The following FAM83B variants were observed in gnomAD, a reference collection of about 807,000 sequenced individuals.
FAM83B encodes the protein scaffolding CK1 anchoring protein B.
FAM83B carries 26 observed loss-of-function variants against 38.8 expected under a neutral mutation model. That is an observed-to-expected ratio of 0.67 (90% CI 0.49 to 0.93). FAM83B has a LOEUF of 0.93. Ranked by LOEUF, FAM83B falls within the 40% of genes least tolerant of loss-of-function variation. The pLI is 0.00. For synonymous variants in FAM83B, 419 were observed against 423.1 expected, an observed-to-expected ratio of 0.99 and a Z score of 0.12; for missense variants, 1,237 against 1,197.3, an observed-to-expected ratio of 1.03 and a Z score of -0.49.
chr6:54,924,442 A>G (rs557128745), intron 2 of FAM83B, among the ~76,000 whole-genome samples: 19 of 151,038 alleles, frequency 1.3e-4, no homozygotes, highest in African/African-American at 4.4e-4. Context: ...TATATCTAGT[A>G]TCTGCCCCGA....
chr6:54,870,210 G>A lies in FAM83B; in HGVS notation c.-37G>A, dbSNP rs1252583889. 6.6e-7 allele frequency: 1 copy of A among 1,514,428 alleles called. No individual in the cohort carries two copies. The highest frequency in any genetic ancestry group is 9.1e-7 in the Non-Finnish European group (1 of 1,095,802). 93.8% of individuals were successfully genotyped at this position (1,514,428 alleles called of 1,614,324 possible). ...AGATACTTCTCACCACTGCATGAATGGACATTTGAAAGTGCCATAGCCAAA... is the reference window on the plus strand; with the variant it reads ...AGATACTTCTCACCACTGCATGAATAGACATTTGAAAGTGCCATAGCCAAA... On this transcript the variant is annotated 5_prime_UTR_variant, in exon 2 of 5. It removes an upstream start codon present in the reference 5' UTR. Coordinates refer to ENST00000306858, the MANE Select transcript of FAM83B (RefSeq NM_001010872.3).
rs186028986 is a variant in FAM83B, at chr6:54,921,623, A to G, written c.445-4748A>G. Reference sequence around the variant, plus strand: ...AGAATTAATGAAGAAGCAAGTACATAATTTAAGAAATATATAATGTCATGG... The same window carrying G: ...AGAATTAATGAAGAAGCAAGTACATGATTTAAGAAATATATAATGTCATGG... On this transcript the variant is annotated intron_variant, in intron 2 of 4. Transcript: ENST00000306858. Among the ~76,000 whole-genome samples the G allele has an allele frequency of 2.9e-3, 442 of 152,178 alleles. 2 individuals carry two copies. Among genetic ancestry groups the G allele is most frequent in the Non-Finnish European group, 5.2e-3 (354 of 67,916 alleles).
intron 2 of FAM83B, among the ~76,000 whole-genome samples, chr6:54,873,129 C>A (rs1468963377): frequency 6.6e-6 from 1 of 151,854 alleles, no homozygotes; most frequent in East Asian, 1.9e-4. Flanking sequence ...TCCCAAAGTG[C>A]TGGGATTATA....
In FAM83B at chr6:54,870,282, T is replaced by A. The variant is rs1771813794; in HGVS notation, c.36T>A (p.Asp12Glu). The change falls in exon 2 of 5, where the codon GAT becomes GAA. Residue 12 changes from aspartate (D) to glutamate (E), a missense_variant. By Grantham distance (45) the Asp-to-Glu change is conservative. Transcript: ENST00000306858. The stretch of plus-strand genomic sequence containing the variant: ...CATCAATGCTTTCCTCATTGAATGA[T>A]GAGTGTAAATCTGACAACTACATTG... ...ETSSMLSSLN[D>E]ECKSDNYIEP... 2 of 1,613,744 alleles carry A rather than the reference T, an allele frequency of 1.2e-6. No homozygotes were observed. Among genetic ancestry groups the A allele is most frequent in the South Asian group, 2.2e-5 (2 of 91,076 alleles).
intron 1 of FAM83B, among the ~76,000 whole-genome samples, chr6:54,852,319 T>A (rs1415988713): frequency 6.6e-6 from 1 of 152,250 alleles, no homozygotes; most frequent in African/African-American, 2.4e-5. Context: ...CTGTGTCACA[T>A]TTTGATAATT....
At chr6:54,909,753 T>C (rs558657253) in intron 2 of FAM83B, among the ~76,000 whole-genome samples, 9 of 152,242 alleles carry the variant, frequency 5.9e-5, no homozygotes, top group African/African-American at 2.2e-4. Context: ...AAAGTATACC[T>C]AAACTGTAGA....
chr6:54,939,906 C>A lies in FAM83B; in HGVS notation c.935C>A (p.Ser312Ter). The A allele has an allele frequency of 6.2e-7, 1 of 1,613,980 alleles. No individual in the cohort carries two copies. Among genetic ancestry groups the A allele is most frequent in the Non-Finnish European group, 8.5e-7 (1 of 1,179,974 alleles). Residue 312 changes from serine to a stop codon, truncating the protein, a stop_gained, in exon 5 of 5, where the codon TCA becomes TAA. Coordinates refer to ENST00000306858, the MANE Select transcript of FAM83B (RefSeq NM_001010872.3). LOFTEE classifies it low-confidence loss of function (END_TRUNC). ...GGCACTTACCAGCATTCGGTGTCTT[C>A]ATTAGCATCTGTTTCCAGCCAGAGA... ...ENGTYQHSVS[S>*]LASVSSQRNL...
intron 1 of FAM83B, among the ~76,000 whole-genome samples, chr6:54,850,045 G>A (rs1404308486): frequency 1.3e-5 from 2 of 152,088 alleles, no homozygotes; most frequent in African/African-American, 4.8e-5. Context: ...TCCTCTCCAG[G>A]GGTAGGAAAG....
At position 54,942,542 on chromosome 6, in the gene FAM83B, AC is replaced by A. The variant is rs1773728770; in HGVS notation, c.*537del. 6.6e-6 allele frequency among the ~76,000 whole-genome samples: 1 copy of A among 151,814 alleles called. No homozygotes were observed. ...GTACAGCTGTTTGGGCAACAGCAGT[AC>A]CTTTTACATTTTTTATTTTTTATTT... On this transcript the variant is annotated 3_prime_UTR_variant, in exon 5 of 5. Coordinates refer to ENST00000306858, the MANE Select transcript of FAM83B (RefSeq NM_001010872.3).
At chr6:54,886,312 T>G (rs956490001) in intron 2 of FAM83B, among the ~76,000 whole-genome samples, 1 of 150,896 alleles carries the variant, frequency 6.6e-6, no homozygotes. Context: ...GATTTTTTTT[T>G]GTTTTTTTGT....
intron 1 of FAM83B, among the ~76,000 whole-genome samples, chr6:54,862,409 G>A (rs1205050275): frequency 6.6e-6 from 1 of 152,152 alleles, no homozygotes; most frequent in Non-Finnish European, 1.5e-5. Context: ...AGTGAGGGAA[G>A]TAACCCTTGC....
chr6:54,850,847 C>T (rs984780689), intron 1 of FAM83B, among the ~76,000 whole-genome samples: 5 of 151,740 alleles, frequency 3.3e-5, no homozygotes, highest in African/African-American at 4.8e-5. Context: ...GGTGAAACGC[C>T]GTCTCTACTA....
chr6:54,899,086 C>T (rs1345318884), intron 2 of FAM83B, among the ~76,000 whole-genome samples: 10 of 152,084 alleles, frequency 6.6e-5, no homozygotes, highest in Non-Finnish European at 1.5e-4. Context: ...CGTACTTTCC[C>T]CATTTAACAT....
In FAM83B at chr6:54,944,835, T is replaced by A. The variant is rs1773768155; in HGVS notation, c.*2828T>A. On this transcript the variant is annotated 3_prime_UTR_variant, in exon 5 of 5. Coordinates refer to ENST00000306858, the MANE Select transcript of FAM83B (RefSeq NM_001010872.3). ...AACTTTATCATGATATTCAGGTAGA[T>A]CCTGGGTTCTAGAATATTTAAAACA... The A allele has an allele frequency of 6.6e-6, 1 of 152,254 alleles. No individual in the cohort carries two copies. Among genetic ancestry groups the A allele is most frequent in the Admixed American group, 6.5e-5 (1 of 15,300 alleles). 9.4% of individuals were successfully genotyped at this position (152,254 alleles called of 1,614,324 possible).
Position 54,941,448 on chromosome 6 carries a change from C to A in FAM83B, c.2477C>A (p.Ser826Ter). 4 of 1,613,040 alleles carry A rather than the reference C, an allele frequency of 2.5e-6. No individual in the cohort carries two copies. Among genetic ancestry groups the A allele is most frequent in the South Asian group, 1.1e-5 (1 of 90,778 alleles). Residue 826 changes from serine to a stop codon, truncating the protein, a stop_gained, in exon 5 of 5, where the codon TCA becomes TAA. Transcript: ENST00000306858. LOFTEE classifies it low-confidence loss of function (END_TRUNC). ...KPKKSDTKVD[S>*]SPRRKHSSSS... ...AAGAAATCAGACACAAAAGTTGATT[C>A]ATCTCCTAGAAGAAAGCATTCTTCC...
chr6:54,896,323 C>A (rs769939489), intron 2 of FAM83B, among the ~76,000 whole-genome samples: 1 of 152,134 alleles, frequency 6.6e-6, no homozygotes, highest in Non-Finnish European at 1.5e-5. Flanking sequence ...GCATCCATCT[C>A]GAATGATGCA....
At chr6:54,938,429 C>CA (rs1773568938) in intron 4 of FAM83B, among the ~76,000 whole-genome samples, 1 of 152,134 alleles carries the variant, frequency 6.6e-6, no homozygotes, top group African/African-American at 2.4e-5. Context: ...TTTAGTTCTT[C>CA]AAGGAATCTT....
chr6:54,932,850 A>G (rs969989285), intron 4 of FAM83B, among the ~76,000 whole-genome samples: 2 of 152,152 alleles, frequency 1.3e-5, no homozygotes, highest in Admixed American at 6.6e-5. Context: ...GCTCCCTTGT[A>G]TGTGACAAAT....
At chr6:54,885,275 C>G (rs943490724) in intron 2 of FAM83B, among the ~76,000 whole-genome samples, 1 of 151,982 alleles carries the variant, frequency 6.6e-6, no homozygotes, top group African/African-American at 2.4e-5. Context: ...AGGTATATTC[C>G]TCTATTAAGT....
Sources: allele counts gnomAD v4.1 joint callset (sites outside exome capture counted in the v4.1 genomes callset), GRCh38; gene constraint gnomAD v4.1.1; transcripts MANE v1.5; gene names NCBI Gene and HGNC (gene_info 2026-07-23, HGNC 2026-07-21).